Variants in IGFBP5 observed in about 807,000 individuals in gnomAD.
IGFBP5 encodes insulin like growth factor binding protein 5.
Under a neutral mutation model 28.0 loss-of-function variants are expected in IGFBP5, and 12 were observed. That is an observed-to-expected ratio of 0.43 (90% CI 0.27 to 0.69). The LOEUF is 0.69. IGFBP5 is among the 30% of genes least tolerant of loss of function. IGFBP5 has a pLI of 0.20. For missense variants in IGFBP5, 344 were observed against 381.6 expected, an observed-to-expected ratio of 0.90 and a Z score of 0.82; for synonymous variants, 152 against 150.2, an observed-to-expected ratio of 1.01 and a Z score of -0.09.
rs1483825544 is a variant in IGFBP5, at chr2:216,674,671, C to T, written c.*2080G>A. 1 of 152,182 alleles carries T rather than the reference C, an allele frequency of 6.6e-6. No individual in the cohort carries two copies. Among genetic ancestry groups the T allele is most frequent in the African/African-American group, 2.4e-5 (1 of 41,432 alleles). 9.4% of individuals were successfully genotyped at this position (152,182 alleles called of 1,614,324 possible). On this transcript the variant is annotated 3_prime_UTR_variant, in exon 4 of 4. Transcript: ENST00000233813. This position sits in a 1 kb window ranked among gnomAD's most constrained non-coding sequence, Gnocchi z 4.4. ...CCTTAAAGAACAGTCACAAGGCCAC[C>T]CATTGGTTGAGGAAGTCATTGGAGA...
At position 216,692,538 on chromosome 2, in the gene IGFBP5, T is replaced by A. The variant is rs113325220; in HGVS notation, c.337+1901A>T. ...GATGCGGCTGAGTGACACCTTACGT[T>A]CTTTCGGTGTGACTGGATTGTTACC... On this transcript the variant is annotated intron_variant, in intron 1 of 3. Coordinates refer to ENST00000233813, the MANE Select transcript of IGFBP5 (RefSeq NM_000599.4). This position sits in a 1 kb window ranked among gnomAD's most constrained non-coding sequence, Gnocchi z 4.2. Among the ~76,000 whole-genome samples the A allele has an allele frequency of 1.5e-3, 229 of 152,248 alleles. 1 individual carries two copies. The highest frequency in any genetic ancestry group is 5.1e-3 in the African/African-American group (210 of 41,560).
intron 1 of IGFBP5, among the ~76,000 whole-genome samples, chr2:216,685,878 GTTTTTGT>G (rs1689029293): frequency 6.6e-6 from 1 of 151,026 alleles, no homozygotes; most frequent in Non-Finnish European, 1.5e-5. Context: ...ATTTTTTTTT[GTTTTTGT>G]TTTTTGTTTG....
In IGFBP5 at chr2:216,679,177, G is replaced by T. The variant is rs1688941018; in HGVS notation, c.338-98C>A. 4 of 884,118 alleles carry T rather than the reference G, an allele frequency of 4.5e-6. No homozygotes were observed. Among genetic ancestry groups the T allele is most frequent in the African/African-American group, 1.6e-5 (1 of 60,874 alleles). 54.8% of individuals were successfully genotyped at this position (884,118 alleles called of 1,614,324 possible). A position where few individuals can be genotyped will look rare whatever the true frequency, so the allele number is the denominator to read the frequency against. The stretch of plus-strand genomic sequence containing the variant: ...GTTTGGGGTGAGGGGAGTAATAAAG[G>T]CTGAAGCAGATGTGTCTCTGCCCTC... On this transcript the variant is annotated intron_variant, in intron 1 of 3. Coordinates refer to ENST00000233813, the MANE Select transcript of IGFBP5 (RefSeq NM_000599.4). This position sits in a 1 kb window ranked among gnomAD's most constrained non-coding sequence, Gnocchi z 4.6.
rs1222852678 is a variant in IGFBP5, at chr2:216,694,634, C to T, written c.142G>A (p.Val48Ile). ...CAGCAGCCGCAGCCCGGCTCCTTGACCAGCTCGCAGCCCAGGGGGCTGGGG... is the reference window on the plus strand; with the variant it reads ...CAGCAGCCGCAGCCCGGCTCCTTGATCAGCTCGCAGCCCAGGGGGCTGGGG... The part of the protein sequence containing the change: ...CPPSPLGCEL[V>I]KEPGCGCCMT... Residue 48 changes from valine (V) to isoleucine (I), a missense_variant, in exon 1 of 4, where the codon GTC (valine) becomes ATC (isoleucine). This residue lies in a region of IGFBP5 where 304 missense variants were observed against 329.2 expected (regional missense o/e 0.92). Coordinates refer to ENST00000233813, the MANE Select transcript of IGFBP5 (RefSeq NM_000599.4). This position sits in a 1 kb window ranked among gnomAD's most constrained non-coding sequence, Gnocchi z 5.2. The T allele has an allele frequency of 6.5e-7, 1 of 1,535,050 alleles. No individual in the cohort carries two copies. The highest frequency in any genetic ancestry group is 1.7e-4 in the Middle Eastern group (1 of 5,838).
At chr2:216,687,149 G>T (rs1188190248) in intron 1 of IGFBP5, among the ~76,000 whole-genome samples, 1 of 152,154 alleles carries the variant, frequency 6.6e-6, no homozygotes, top group African/African-American at 2.4e-5. Flanking sequence ...CTGCAGGAAG[G>T]TCTGCCAGAA....
chr2:216,690,635 G>C (rs1451692615), intron 1 of IGFBP5, among the ~76,000 whole-genome samples: 2 of 147,800 alleles, frequency 1.4e-5, no homozygotes, highest in African/African-American at 5.1e-5. Context: ...AGGCCCACCT[G>C]CCTGCTCAAA....
chr2:216,688,880 G>A (rs1465161848), intron 1 of IGFBP5, among the ~76,000 whole-genome samples: 1 of 152,184 alleles, frequency 6.6e-6, no homozygotes, highest in Non-Finnish European at 1.5e-5. Context: ...CGGCCTCCAG[G>A]ATGTATTAGA....
In IGFBP5 at chr2:216,676,879, T is replaced by C; in HGVS notation, c.691A>G (p.Lys231Glu). ...CCACGTTTGCGGCCACGGGAAGGTT[T>C]GCACTGGGGTGAGTAGAGCAACAGG... The part of the protein sequence containing the change: ...RKGFYKRKQC[K>E]PSRGRKRGIC... The change falls in exon 4 of 4, where the codon AAA (lysine) becomes GAA (glutamate). Residue 231 changes from lysine (K) to glutamate (E), a missense_variant. By Grantham distance (56) the Lys-to-Glu change is moderately conservative. Transcript: ENST00000233813. 6.2e-7 allele frequency: 1 copy of C among 1,613,962 alleles called. No individual in the cohort carries two copies. The highest frequency in any genetic ancestry group is 8.5e-7 in the Non-Finnish European group (1 of 1,179,910).
At chr2:216,677,984 G>T in intron 3 of IGFBP5, 128 bp downstream of exon 3, 3 of 797,604 alleles carry the variant, frequency 3.8e-6, no homozygotes, top group Non-Finnish European at 5.5e-6. Flanking sequence ...ATATGAATGG[G>T]TATCTGAGGC....
At chr2:216,678,601 G>A (rs775521598) in intron 2 of IGFBP5, among the ~76,000 whole-genome samples, 22 of 152,136 alleles carry the variant, frequency 1.4e-4, no homozygotes, top group Non-Finnish European at 2.6e-4. Flanking sequence ...TACCTGGTAC[G>A]TGGCCGCTGG....
At chr2:216,689,056 T>A (rs1381787494) in intron 1 of IGFBP5, among the ~76,000 whole-genome samples, 2 of 152,196 alleles carry the variant, frequency 1.3e-5, no homozygotes, top group Non-Finnish European at 2.9e-5. Context: ...ATGGTTTTCC[T>A]TCTCTCCTTC....
chr2:216,690,831 A>T (rs1404180917), intron 1 of IGFBP5, among the ~76,000 whole-genome samples: 1 of 137,128 alleles, frequency 7.3e-6, no homozygotes, highest in African/African-American at 2.7e-5. Context: ...ACTAGGGCTA[A>T]CTCTGCTTGT....
In IGFBP5 at chr2:216,694,742, C is replaced by T. The variant is rs1323471141; in HGVS notation, c.34G>A (p.Ala12Thr). The T allele has an allele frequency of 6.9e-7, 1 of 1,442,266 alleles. No homozygotes were observed. The highest frequency in any genetic ancestry group is 9.1e-7 in the Non-Finnish European group (1 of 1,101,830). The allele number at this position is 1,442,266 out of a possible 1,614,324, so 89.3% of individuals were successfully genotyped here. A position where few individuals can be genotyped will look rare whatever the true frequency, so the allele number is the denominator to read the frequency against. ...VLLTAVLLLL[A>T]AYAGPAQSLG... The stretch of plus-strand genomic sequence containing the variant: ...CTCTGGGCCGGCCCCGCATAGGCGG[C>T]CAGCAGCAGGAGGACCGCGGTGAGC... The change falls in exon 1 of 4, where the codon GCC becomes ACC. Residue 12 changes from alanine to threonine, a missense_variant. Coordinates refer to ENST00000233813, the MANE Select transcript of IGFBP5 (RefSeq NM_000599.4). This position sits in a 1 kb window ranked among gnomAD's most constrained non-coding sequence, Gnocchi z 5.2.
chr2:216,686,268 T>C (rs1689033761), intron 1 of IGFBP5, among the ~76,000 whole-genome samples: 1 of 152,200 alleles, frequency 6.6e-6, no homozygotes, highest in Non-Finnish European at 1.5e-5. Flanking sequence ...TGTAGTATAG[T>C]GGATAACCAT....
Position 216,694,473 on chromosome 2 carries a change from G to C in IGFBP5, c.303C>G (p.Leu101=). The change falls in exon 1 of 4, where the codon CTC becomes CTG. Residue 101 remains leucine, a synonymous_variant. Coordinates refer to ENST00000233813, the MANE Select transcript of IGFBP5 (RefSeq NM_000599.4). The surrounding 1 kb of genome is among the most constrained non-coding windows in gnomAD (Gnocchi z 5.2). The part of the protein sequence containing the change: ...HALLHGRGVC[L]NEKSYREQVK... ...CTTGCTCGCGGTAGCTCTTTTCGTT[G>C]AGGCAAACCCCGCGGCCGTGCAGCA... 6.3e-7 allele frequency: 1 copy of C among 1,585,216 alleles called. No individual in the cohort carries two copies. The highest frequency in any genetic ancestry group is 1.7e-4 in the Middle Eastern group (1 of 5,990).
chr2:216,678,075 A>G, intron 3 of IGFBP5, 37 bp downstream of exon 3: 1 of 1,382,156 alleles, frequency 7.2e-7, no homozygotes, highest in Non-Finnish European at 9.5e-7. Flanking sequence ...CCATTTTTGG[A>G]GCAGTCTGAG....
chr2:216,690,062 A>G (rs1291443347), intron 1 of IGFBP5, among the ~76,000 whole-genome samples: 1 of 151,472 alleles, frequency 6.6e-6, no homozygotes, highest in East Asian at 2.0e-4. Context: ...TTTCACTGGT[A>G]TTGGGGGAGG....
chr2:216,694,689 G>A lies in IGFBP5; in HGVS notation c.87C>T (p.Pro29=). 6.6e-7 allele frequency: 1 copy of A among 1,516,650 alleles called. No homozygotes were observed. Among genetic ancestry groups the A allele is most frequent in the Non-Finnish European group, 8.8e-7 (1 of 1,136,366 alleles). 93.9% of individuals were successfully genotyped at this position (1,516,650 alleles called of 1,614,324 possible). A position where few individuals can be genotyped will look rare whatever the true frequency, so the allele number is the denominator to read the frequency against. ...QSLGSFVHCE[P]CDEKALSMCP... is the part of the protein sequence containing the mutation. ...ACATGGAGAGGGCTTTCTCGTCGCA[G>A]GGCTCGCAGTGCACGAAGGAGCCCA... The change falls in exon 1 of 4, where the codon CCC becomes CCT. Residue 29 remains proline (P), a synonymous_variant. Coordinates refer to ENST00000233813, the MANE Select transcript of IGFBP5 (RefSeq NM_000599.4). This position sits in a 1 kb window ranked among gnomAD's most constrained non-coding sequence, Gnocchi z 5.2.
At chr2:216,688,518 C>T (rs1452315452) in intron 1 of IGFBP5, among the ~76,000 whole-genome samples, 1 of 152,050 alleles carries the variant, frequency 6.6e-6, no homozygotes, top group Non-Finnish European at 1.5e-5. Context: ...ACAAATATGG[C>T]TTGTATTATG....
Sources: allele counts gnomAD v4.1 joint callset (sites outside exome capture counted in the v4.1 genomes callset), GRCh38; gene constraint gnomAD v4.1.1; regional missense constraint gnomAD v4.1.1; non-coding constraint Gnocchi (gnomAD v3.1); transcripts MANE v1.5; gene names NCBI Gene and HGNC (gene_info 2026-07-23, HGNC 2026-07-21).